NUDCD3: variants seen among roughly 807,000 people sequenced by gnomAD.
NUDCD3 encodes the protein nudC domain-containing protein 3.
NUDCD3 carries 13 observed loss-of-function variants against 39.7 expected under a neutral mutation model. That is an observed-to-expected ratio of 0.33 (90% confidence interval 0.21 to 0.52). The LOEUF is 0.52. Among genes scored for constraint, NUDCD3 ranks in the 20% least tolerant of loss-of-function variants. NUDCD3 has a pLI of 0.96. For synonymous variants in NUDCD3, 175 were observed against 172.4 expected, an observed-to-expected ratio of 1.02 and a Z score of -0.12; for missense variants, 453 against 458.1, an observed-to-expected ratio of 0.99 and a Z score of 0.10.
intron 2 of NUDCD3, among the ~76,000 whole-genome samples, chr7:44,460,703 T>C (rs2116948603): frequency 6.6e-6 from 1 of 152,156 alleles, no homozygotes; most frequent in Non-Finnish European, 1.5e-5. Context: ...AATATGAAGA[T>C]ATGAATGAAA....
intron 2 of NUDCD3, among the ~76,000 whole-genome samples, chr7:44,483,762 A>C (rs922531259): frequency 6.6e-6 from 1 of 152,214 alleles, no homozygotes; most frequent in East Asian, 1.9e-4. Flanking sequence ...TAGAAAAAAA[A>C]ACAAAAACTC....
intron 2 of NUDCD3, among the ~76,000 whole-genome samples, chr7:44,432,293 A>G (rs1454152853): frequency 1.3e-5 from 2 of 152,224 alleles, no homozygotes; most frequent in South Asian, 2.1e-4. Context: ...AAAACAAAAC[A>G]GGATCAGACA....
chr7:44,490,468 G>A lies in NUDCD3; in HGVS notation c.133C>T (p.Arg45Cys), dbSNP rs1800715489. The A allele has an allele frequency of 3.7e-6, 6 of 1,604,162 alleles. No individual in the cohort carries two copies. The South Asian group carries it at 6.7e-5, about 18-fold the overall frequency. The stretch of plus-strand genomic sequence containing the variant: ...AAGCCCATGCGGTCCGATGGGTGGC[G>A]CAGCAAGCGATAGAAGTCTGTCTTG... Reference protein sequence around the residue: ...YRKTDFYRLLRHPSDRMGFPP... With the variant: ...YRKTDFYRLLCHPSDRMGFPP... Residue 45 changes from arginine to cysteine, a missense_variant, in exon 1 of 6, where the codon CGC becomes TGC. By Grantham distance (180) the Arg-to-Cys change is radical. Transcript: ENST00000355451.
chr7:44,412,951 A>AAAAAAAAAAAAAAAG (rs1554489215), intron 3 of NUDCD3, among the ~76,000 whole-genome samples: 2 of 144,392 alleles, frequency 1.4e-5, no homozygotes, highest in African/African-American at 5.0e-5. Context: ...AAGAAAAAAA[A>AAAAAAAAAAAAAAAG]AAAGAAAGAA....
chr7:44,394,257 C>T (rs1337990190), intron 4 of NUDCD3, among the ~76,000 whole-genome samples: 4 of 152,182 alleles, frequency 2.6e-5, no homozygotes, highest in Non-Finnish European at 2.9e-5. Flanking sequence ...CTCCCCTACA[C>T]GCCAGCTCTA....
intron 2 of NUDCD3, among the ~76,000 whole-genome samples, chr7:44,481,831 G>A (rs1800497521): frequency 6.6e-6 from 1 of 152,134 alleles, no homozygotes. Context: ...GGTGATCAGG[G>A]CTCTGCCTTC....
chr7:44,427,004 G>A (rs554821809), intron 3 of NUDCD3, among the ~76,000 whole-genome samples: 11 of 152,056 alleles, frequency 7.2e-5, no homozygotes, highest in African/African-American at 1.4e-4. Context: ...CACCATACAC[G>A]GGGAGGTGCT....
rs1554491044 is a variant in NUDCD3, at chr7:44,430,560, ACACACACACT to A, written c.510-2867_510-2858del. Among the ~76,000 whole-genome samples, 1,040 of 143,018 alleles carry A rather than the reference ACACACACACT, an allele frequency of 7.3e-3. 13 individuals are homozygous for A. The highest frequency in any genetic ancestry group is 0.026 in the African/African-American group (959 of 36,734). The allele number at this position is 143,018 out of a possible 152,430, so 93.8% of individuals were successfully genotyped here. On this transcript the variant is annotated intron_variant, in intron 2 of 5. Transcript: ENST00000355451. The stretch of plus-strand genomic sequence containing the variant: ...AAATATATAAATAAAATACCCACAC[ACACACACACT>A]CACACACACACACACACACACACAC...
chr7:44,489,114 G>A (rs1165860765), intron 1 of NUDCD3, among the ~76,000 whole-genome samples: 1 of 152,166 alleles, frequency 6.6e-6, no homozygotes, highest in Non-Finnish European at 1.5e-5. Flanking sequence ...TCAGCTCTAC[G>A]GTGAACTGGC....
intron 2 of NUDCD3, chr7:44,468,233 G>A (rs768200872): frequency 6.3e-7 from 1 of 1,596,248 alleles, no homozygotes; most frequent in South Asian, 1.1e-5. Flanking sequence ...AGCCATCGTG[G>A]AAACAGCTGC....
intron 4 of NUDCD3, among the ~76,000 whole-genome samples, chr7:44,397,370 G>A (rs886743079): frequency 4.6e-5 from 7 of 152,184 alleles, no homozygotes; most frequent in Admixed American, 4.6e-4. Flanking sequence ...AGCCAGGAAT[G>A]CGTGTGTTGG....
intron 2 of NUDCD3, among the ~76,000 whole-genome samples, chr7:44,442,685 C>A (rs1208899263): frequency 6.6e-6 from 1 of 150,508 alleles, no homozygotes; most frequent in Non-Finnish European, 1.5e-5. Context: ...GGCGGACTCT[C>A]CCCTTTTCTT....
chr7:44,452,359 C>T (rs935246855), intron 2 of NUDCD3, among the ~76,000 whole-genome samples: 1 of 152,256 alleles, frequency 6.6e-6, no homozygotes, highest in Non-Finnish European at 1.5e-5. Flanking sequence ...CTGCTTGAGG[C>T]CAGCAGGCTT....
At chr7:44,450,824 TACACAAATGGTCATA>T (rs1799782008) in intron 2 of NUDCD3, among the ~76,000 whole-genome samples, 1 of 152,140 alleles carries the variant, frequency 6.6e-6, no homozygotes. Flanking sequence ...CAAAGACTTG[TACACAAATGGTCATA>T]GCACAAATGG....
At chr7:44,430,738 C>G (rs773328728) in intron 2 of NUDCD3, among the ~76,000 whole-genome samples, 2 of 152,170 alleles carry the variant, frequency 1.3e-5, no homozygotes, top group Non-Finnish European at 2.9e-5. Context: ...CTTGGGGACG[C>G]TGCCGCCAGC....
At chr7:44,468,345 ACTGC>A in intron 2 of NUDCD3, 8 of 1,076,014 alleles carry the variant, frequency 7.4e-6, no homozygotes, top group South Asian at 1.6e-5. Context: ...AAATGTAAAA[ACTGC>A]AAAAAAAAAA....
At chr7:44,477,364 T>G (rs1800394229) in intron 2 of NUDCD3, among the ~76,000 whole-genome samples, 1 of 152,234 alleles carries the variant, frequency 6.6e-6, no homozygotes, top group Non-Finnish European at 1.5e-5. Flanking sequence ...AGGCAGTAAC[T>G]GACATTCTTA....
intron 2 of NUDCD3, among the ~76,000 whole-genome samples, chr7:44,457,135 G>A (rs976668405): frequency 2.0e-5 from 3 of 152,136 alleles, no homozygotes; most frequent in African/African-American, 4.8e-5. Flanking sequence ...CTGTGTCATG[G>A]TCACTTTCTA....
intron 4 of NUDCD3, chr7:44,402,519 T>G: frequency 2.6e-6 from 1 of 391,920 alleles, no homozygotes; most frequent in East Asian, 7.4e-5. Context: ...ATTGGTACCC[T>G]GATTGTAATC....
Sources: allele counts gnomAD v4.1 joint callset (sites outside exome capture counted in the v4.1 genomes callset), GRCh38; gene constraint gnomAD v4.1.1; transcripts MANE v1.5; gene names NCBI Gene and HGNC (gene_info 2026-07-23, HGNC 2026-07-21).